The following MTUS2 variants were observed in gnomAD, a reference collection of about 807,000 sequenced individuals.
The protein encoded by MTUS2 is microtubule-associated tumor suppressor candidate 2.
In MTUS2, 40 loss-of-function variants were observed where a neutral mutation model predicts 114.1. That is an observed-to-expected ratio of 0.35 (90% CI 0.27 to 0.46). The LOEUF is 0.46. Among genes scored for constraint, MTUS2 ranks in the 20% least tolerant of loss-of-function variants. MTUS2 has a pLI of 1.00. For missense variants in MTUS2, 1,679 were observed against 1,705.4 expected (o/e 0.98, Z 0.27); for synonymous variants, 688 against 672.0 (o/e 1.02, Z -0.37).
intron 5 of MTUS2, among the ~76,000 whole-genome samples, chr13:29,202,186 G>T (rs1894987307): frequency 6.6e-6 from 1 of 151,802 alleles, no homozygotes; most frequent in South Asian, 2.1e-4. Context: ...CATATTTCTT[G>T]GTGGCTTTGT....
chr13:29,403,234 GT>G (rs1309811749), intron 8 of MTUS2, among the ~76,000 whole-genome samples: 3 of 152,100 alleles, frequency 2.0e-5, no homozygotes, highest in Non-Finnish European at 4.4e-5. Context: ...CTACTTTTGG[GT>G]CCCTGTTCCA....
At chr13:29,375,929 G>A (rs957285728) in intron 8 of MTUS2, among the ~76,000 whole-genome samples, 1 of 151,552 alleles carries the variant, frequency 6.6e-6, no homozygotes, top group Non-Finnish European at 1.5e-5. Context: ...CAAAATCTCA[G>A]ACTTCACCAC....
intron 7 of MTUS2, among the ~76,000 whole-genome samples, chr13:29,350,986 T>TA: frequency 7.0e-6 from 1 of 142,940 alleles, no homozygotes; most frequent in Non-Finnish European, 1.5e-5. Flanking sequence ...TATATATATC[T>TA]TCAGAGGACA....
chr13:29,426,832 A>G (rs759492834), intron 8 of MTUS2, among the ~76,000 whole-genome samples: 1 of 152,144 alleles, frequency 6.6e-6, no homozygotes, highest in African/African-American at 2.4e-5. Context: ...TTGTTTATCC[A>G]TTCTTCTGTT....
chr13:29,389,508 CGTGTGTGTATGTGT>C (rs1444222585), intron 8 of MTUS2, among the ~76,000 whole-genome samples: 2,935 of 66,962 alleles, frequency 0.044, 178 homozygotes, highest in Non-Finnish European at 0.062. Context: ...TATGTATACA[CGTGTGTGTATGTGT>C]ATATATGTAT....
chr13:28,876,531 G>A (rs572370712), intron 2 of MTUS2, among the ~76,000 whole-genome samples: 142 of 152,274 alleles, frequency 9.3e-4, no homozygotes, highest in Non-Finnish European at 1.7e-3. Flanking sequence ...TCAACACACC[G>A]TCTAGAAGAA....
At chr13:29,484,588 C>T (rs1002575407) in intron 10 of MTUS2, among the ~76,000 whole-genome samples, 3 of 152,178 alleles carry the variant, frequency 2.0e-5, no homozygotes, top group Non-Finnish European at 4.4e-5. Context: ...ATACTGTAAG[C>T]CTGGACCAAG....
chr13:28,904,901 C>A (rs1879887830), intron 2 of MTUS2, among the ~76,000 whole-genome samples: 2 of 151,674 alleles, frequency 1.3e-5, no homozygotes, highest in African/African-American at 4.9e-5. Context: ...GAATGTTCTT[C>A]CATTTGTTTG....
intron 5 of MTUS2, among the ~76,000 whole-genome samples, chr13:29,231,221 T>A (rs1593196701): frequency 6.6e-6 from 1 of 152,328 alleles, no homozygotes; most frequent in East Asian, 1.9e-4. Context: ...AATATAAACA[T>A]GTTATGTTTT....
At chr13:29,268,058 T>C (rs1027058969) in intron 5 of MTUS2, among the ~76,000 whole-genome samples, 37 of 152,156 alleles carry the variant, frequency 2.4e-4, no homozygotes, top group African/African-American at 8.7e-4. Flanking sequence ...GCAGGTTTGT[T>C]ACATAAGTAT....
At chr13:28,900,077 G>A (rs778634786) in intron 2 of MTUS2, among the ~76,000 whole-genome samples, 7 of 152,088 alleles carry the variant, frequency 4.6e-5, no homozygotes, top group East Asian at 1.9e-4. Flanking sequence ...TAGTAGAGAC[G>A]GGGTTTCACC....
intron 4 of MTUS2, among the ~76,000 whole-genome samples, chr13:29,045,914 C>T (rs1039706651): frequency 6.6e-6 from 1 of 151,002 alleles, no homozygotes; most frequent in East Asian, 1.9e-4. Flanking sequence ...CAAAACAAAA[C>T]AAGCCATAAC....
chr13:29,193,837 C>A (rs888411031), intron 5 of MTUS2, among the ~76,000 whole-genome samples: 7 of 152,152 alleles, frequency 4.6e-5, no homozygotes, highest in African/African-American at 1.7e-4. Context: ...TACCTGACTT[C>A]AAACTATACT....
intron 4 of MTUS2, among the ~76,000 whole-genome samples, chr13:29,095,993 C>T (rs549291922): frequency 6.6e-6 from 1 of 151,914 alleles, no homozygotes; most frequent in African/African-American, 2.4e-5. Context: ...CTGCTTTTTT[C>T]TAGTATCTGA....
intron 5 of MTUS2, among the ~76,000 whole-genome samples, chr13:29,194,110 C>T (rs1469683901): frequency 5.3e-5 from 8 of 150,652 alleles, no homozygotes; most frequent in African/African-American, 2.0e-4. Flanking sequence ...GGATTAAAGA[C>T]TTAAACGTTA....
At chr13:29,042,592 G>C (rs1887419332) in intron 4 of MTUS2, among the ~76,000 whole-genome samples, 1 of 152,022 alleles carries the variant, frequency 6.6e-6, no homozygotes, top group African/African-American at 2.4e-5. Flanking sequence ...AACTCGTCTG[G>C]TCCTGGACTT....
chr13:29,454,565 G>A (rs1202456455), intron 9 of MTUS2, among the ~76,000 whole-genome samples: 1 of 152,100 alleles, frequency 6.6e-6, no homozygotes, highest in Non-Finnish European at 1.5e-5. Context: ...TGGTCTAGGA[G>A]TTTAGAGGAG....
At chr13:28,910,746 G>A (rs953233580) in intron 2 of MTUS2, among the ~76,000 whole-genome samples, 1 of 149,108 alleles carries the variant, frequency 6.7e-6, no homozygotes, top group East Asian at 2.1e-4. Flanking sequence ...ATTCCATAAT[G>A]TATATGTATC....
intron 2 of MTUS2, among the ~76,000 whole-genome samples, chr13:29,015,418 AGGGT>A (rs1377541906): frequency 2.0e-5 from 3 of 152,146 alleles, no homozygotes; most frequent in Non-Finnish European, 2.9e-5. Context: ...TTTTCTCTTG[AGGGT>A]AGTAGGTATT....
Sources: gnomAD v4.1 joint callset for allele counts (sites outside exome capture counted in the v4.1 genomes callset) on GRCh38, gnomAD v4.1.1 for gene constraint, MANE v1.5 for transcripts, NCBI Gene and HGNC (gene_info 2026-07-23, HGNC 2026-07-21) for gene names.